The following ADCY4 variants were observed in gnomAD, a reference collection of about 807,000 sequenced individuals.
ADCY4 encodes adenylate cyclase 4, also known as adenylate cyclase type 4.
Under a neutral mutation model 125.5 loss-of-function variants are expected in ADCY4, and 111 were observed. That is an observed-to-expected ratio of 0.88 (90% CI 0.76 to 1.04). ADCY4 has a LOEUF of 1.04. ADCY4 is among the 50% of genes least tolerant of loss of function. The pLI, the probability that ADCY4 is intolerant of heterozygous loss-of-function variation, is 0.00. For synonymous variants in ADCY4, 576 were observed against 586.9 expected (o/e 0.98, Z 0.27); for missense variants, 1,256 against 1,382.9 (o/e 0.91, Z 1.46).
chr14:24,323,255 G>A, intron 17 of ADCY4, 89 bp downstream of exon 17: 1 of 1,426,672 alleles, frequency 7.0e-7, no homozygotes, highest in Non-Finnish European at 9.7e-7. Context: ...CTAATCCACA[G>A]AATGGAGCGT....
intron 20 of ADCY4, among the ~76,000 whole-genome samples, chr14:24,321,366 A>G (rs1218141915): frequency 6.6e-6 from 1 of 152,020 alleles, no homozygotes; most frequent in African/African-American, 2.4e-5. Flanking sequence ...GGTTTCAGTG[A>G]GCTGAGACCG....
chr14:24,333,835 C>T (rs1483664858), intron 1 of ADCY4, among the ~76,000 whole-genome samples: 1 of 152,112 alleles, frequency 6.6e-6, no homozygotes, highest in Non-Finnish European at 1.5e-5. Context: ...CCCTGGCCAC[C>T]AGGGCTGCGA....
chr14:24,330,455 GCTAA>G (rs759483185), intron 6 of ADCY4, 160 bp from the exon 7 acceptor site: 209 of 934,772 alleles, frequency 2.2e-4, no homozygotes, highest in African/African-American at 3.0e-4. Context: ...TTGATATGGG[GCTAA>G]CTGTCTTTCA....
chr14:24,318,969 C>A, intron 23 of ADCY4, 129 bp downstream of exon 23: 1 of 1,407,700 alleles, frequency 7.1e-7, no homozygotes, highest in South Asian at 1.3e-5. Flanking sequence ...CCTTCACACC[C>A]CATCCCAGGG....
rs750393731 is a variant in ADCY4, at chr14:24,326,354, G to T, written c.1525-12C>A. On this transcript the variant is annotated splice_polypyrimidine_tract_variant and intron_variant, in intron 10 of 24. Transcript: ENST00000418030. ...GCCAGGGTCTTCTCCTGTTGGGAGAGCACAGGGGGAGGTGGGCATGGTGGG... is the reference window on the plus strand; with the variant it reads ...GCCAGGGTCTTCTCCTGTTGGGAGATCACAGGGGGAGGTGGGCATGGTGGG... 6.2e-7 allele frequency: 1 copy of T among 1,607,970 alleles called. No homozygotes were observed. The highest frequency in any genetic ancestry group is 1.7e-5 in the Admixed American group (1 of 59,742).
chr14:24,325,675 T>G, intron 13 of ADCY4, 143 bp downstream of exon 13: 1 of 1,038,282 alleles, frequency 9.6e-7, no homozygotes, highest in South Asian at 1.6e-5. Context: ...AGAGTGACTT[T>G]CCTTTAGAGA....
At chr14:24,320,131 G>A (rs865788894) in intron 20 of ADCY4, among the ~76,000 whole-genome samples, 2 of 152,196 alleles carry the variant, frequency 1.3e-5, no homozygotes, top group South Asian at 4.1e-4. Context: ...ACAGCAACAC[G>A]AAGGGAGTCA....
chr14:24,326,291 C>T lies in ADCY4; in HGVS notation c.1568+8G>A, dbSNP rs2041943125. On this transcript the variant is annotated splice_region_variant and intron_variant, in intron 11 of 24. Transcript: ENST00000418030. ...GCCCCACTGGCAAAGACTTTGAGGC[C>T]TCCTCACCGATCCAGGCTCCACTGG... 6.2e-7 allele frequency: 1 copy of T among 1,613,930 alleles called. No homozygotes were observed. The highest frequency in any genetic ancestry group is 1.7e-5 in the Admixed American group (1 of 59,996).
In ADCY4 at chr14:24,322,718, C is replaced by A; in HGVS notation, c.2343-10G>T. On this transcript the variant is annotated splice_polypyrimidine_tract_variant and intron_variant, in intron 18 of 24. Transcript: ENST00000418030. ...CTTCAGCACTCCGGGCCTGAAGGGGCCATGGATCAGGGTGACCCCTTGCTT... is the reference window on the plus strand; with the variant it reads ...CTTCAGCACTCCGGGCCTGAAGGGGACATGGATCAGGGTGACCCCTTGCTT... The A allele has an allele frequency of 6.2e-7, 1 of 1,613,280 alleles. No individual in the cohort carries two copies. The highest frequency in any genetic ancestry group is 1.1e-5 in the South Asian group (1 of 90,946).
At position 24,330,025 on chromosome 14, in the gene ADCY4, A is replaced by G. The variant is rs201803659; in HGVS notation, c.1059-7T>C. On this transcript the variant is annotated splice_region_variant and splice_polypyrimidine_tract_variant and intron_variant, in intron 7 of 24. Coordinates refer to ENST00000418030, the MANE Select transcript of ADCY4 (RefSeq NM_001198568.2). ...AGTGGCTGCCCGCAGTTTCCTGAGC[A>G]GTGTGTGTGTGGGACAATCTGAGTC... 3.3e-5 allele frequency: 53 copies of G among 1,612,410 alleles called. No homozygotes were observed. In the African/African-American group the frequency reaches 6.9e-4, roughly 21 times the overall value.
intron 17 of ADCY4, 31 bp from the exon 18 acceptor site, chr14:24,323,119 C>T (rs1291283024): frequency 5.6e-6 from 9 of 1,608,674 alleles, no homozygotes; most frequent in Non-Finnish European, 5.9e-6. Context: ...CAGGAGTGGG[C>T]ATGTCCCATA....
At chr14:24,325,345 G>T (rs748137553) in intron 14 of ADCY4, 32 bp downstream of exon 14, 395 of 1,586,020 alleles carry the variant, frequency 2.5e-4, no homozygotes, top group Non-Finnish European at 3.1e-4. Flanking sequence ...GCTTATGACA[G>T]CCAGGGCCTC....
Position 24,334,700 on chromosome 14 carries a change from GTTACC to G in ADCY4, c.-53_-49del, listed in dbSNP as rs953273298. 16 of 1,430,220 alleles carry G rather than the reference GTTACC, an allele frequency of 1.1e-5. No individual in the cohort carries two copies. In the African/African-American group the frequency reaches 2.2e-4, roughly 20 times the overall value. The allele number at this position is 1,430,220 out of a possible 1,614,324, so 88.6% of individuals were successfully genotyped here. On this transcript the variant is annotated 5_prime_UTR_variant, in exon 1 of 25. Coordinates refer to ENST00000418030, the MANE Select transcript of ADCY4 (RefSeq NM_001198568.2). ...GGGGCTGGCTAGGGCCGGGCGCCGG[GTTACC>G]TCCTTCGGCCCGGCGGGCCCCACCT...
In ADCY4 at chr14:24,323,339, C is replaced by T. The variant is rs1453605357; in HGVS notation, c.2157+5G>A. 1 of 1,548,510 alleles carries T rather than the reference C, an allele frequency of 6.5e-7. No individual in the cohort carries two copies. Among genetic ancestry groups the T allele is most frequent in the Non-Finnish European group, 8.7e-7 (1 of 1,143,534 alleles). On this transcript the variant is annotated splice_donor_5th_base_variant and intron_variant, in intron 17 of 24. Coordinates refer to ENST00000418030, the MANE Select transcript of ADCY4 (RefSeq NM_001198568.2). ...AGGAGATTAAGGGCATGTGGGAACA[C>T]TCACTGGGACACTGATGAGAGGCAG...
rs779206995 is a variant in ADCY4, at chr14:24,322,951, C to T, written c.2295G>A (p.Leu765=). 4 of 1,613,146 alleles carry T rather than the reference C, an allele frequency of 2.5e-6. No homozygotes were observed. Among genetic ancestry groups the T allele is most frequent in the Non-Finnish European group, 3.4e-6 (4 of 1,179,612 alleles). ...CSLFLHSHAW[L]SECLIVRLYL... The stretch of plus-strand genomic sequence containing the variant: ...AGAGGCGGACGATGAGGCATTCCGA[C>T]AGCCAGGCATGGGAGTGCAGGAAGA... Residue 765 remains leucine (L), a synonymous_variant, in exon 18 of 25, where the codon CTG becomes CTA. Transcript: ENST00000418030.
intron 10 of ADCY4, chr14:24,326,656 T>C (rs10459527): frequency 0.74 from 202,776 of 275,652 alleles, 75,940 homozygotes; most frequent in East Asian, 0.86. Context: ...TGCAATGGCA[T>C]GATCTCGGCT....
chr14:24,325,437 T>C lies in ADCY4; in HGVS notation c.1763A>G (p.Glu588Gly). The change falls in exon 14 of 25, where the codon GAA becomes GGA. Residue 588 changes from glutamate to glycine, a missense_variant. Physicochemically the swap from Glu to Gly is moderately conservative, Grantham distance 98. Coordinates refer to ENST00000418030, the MANE Select transcript of ADCY4 (RefSeq NM_001198568.2). ...GAGAAAAACCAGGAAGGTGCAGGCT[T>C]CATAGTATTTGAAGGCGGGGATTGC... ...LSAIPAFKYY[E>G]ACTFLVFLSN... The C allele has an allele frequency of 6.2e-7, 1 of 1,613,738 alleles. No individual in the cohort carries two copies. Among genetic ancestry groups the C allele is most frequent in the African/African-American group, 1.3e-5 (1 of 74,762 alleles).
intron 2 of ADCY4, 54 bp from the exon 3 acceptor site, chr14:24,332,737 G>A (rs1245400874): frequency 6.5e-7 from 1 of 1,545,422 alleles, no homozygotes; most frequent in Non-Finnish European, 8.8e-7. Context: ...TCAAGGCCTG[G>A]TGAGGGATCG....
chr14:24,318,843 C>A, intron 23 of ADCY4, 65 bp from the exon 24 acceptor site: 1 of 1,606,082 alleles, frequency 6.2e-7, no homozygotes, highest in Non-Finnish European at 8.5e-7. Context: ...CCACAAGGAA[C>A]TGGAAGGAAG....
Sources: gnomAD v4.1 joint callset for allele counts (sites outside exome capture counted in the v4.1 genomes callset) on GRCh38, gnomAD v4.1.1 for gene constraint, MANE v1.5 for transcripts, NCBI Gene and HGNC (gene_info 2026-07-23, HGNC 2026-07-21) for gene names.